DNER: variants seen among roughly 807,000 people sequenced by gnomAD.
DNER encodes the protein delta/notch like EGF repeat containing.
A neutral mutation model predicts 78.2 loss-of-function variants in DNER; 33 were observed. That is an observed-to-expected ratio of 0.42 (90% CI 0.32 to 0.56). The LOEUF (loss-of-function observed/expected upper bound fraction) is 0.56. Ranked by LOEUF, DNER falls within the 20% of genes least tolerant of loss-of-function variation. The probability of loss-of-function intolerance (pLI) is 0.11; values close to 1 mark genes in which losing one functional copy is unlikely to be tolerated. For synonymous variants in DNER, 417 were observed against 384.8 expected, an observed-to-expected ratio of 1.08 and a Z score of -0.98; for missense variants, 918 against 975.3, an observed-to-expected ratio of 0.94 and a Z score of 0.78.
At chr2:229,616,836 A>G (rs1470002642) in intron 1 of DNER, among the ~76,000 whole-genome samples, 1 of 152,202 alleles carries the variant, frequency 6.6e-6, no homozygotes, top group African/African-American at 2.4e-5. Context: ...ATCTTAAATC[A>G]TGGTGTTTAT....
Position 229,409,613 on chromosome 2 carries a change from G to A in DNER, c.1610-2268C>T, listed in dbSNP as rs1323258350. On this transcript the variant is annotated intron_variant, in intron 9 of 12. Coordinates refer to ENST00000341772, the MANE Select transcript of DNER (RefSeq NM_139072.4). ...AGCAATTTCAATCTTTTGGGTGTTT[G>A]GGGTTTTTGTTTGGATAGATGGCTC... Among the ~76,000 whole-genome samples the A allele has an allele frequency of 3.9e-5, 6 of 152,180 alleles. No individual in the cohort carries two copies. In the East Asian group the frequency reaches 9.6e-4, roughly 24 times the overall value.
chr2:229,707,180 ATTTTTT>A (rs397868353), intron 1 of DNER, among the ~76,000 whole-genome samples: 7 of 94,612 alleles, frequency 7.4e-5, no homozygotes, highest in African/African-American at 8.7e-5. Context: ...CGGCTGGCTA[ATTTTTT>A]TTTTTTTTTT....
chr2:229,408,109 A>T (rs6715377), intron 9 of DNER, among the ~76,000 whole-genome samples: 1,652 of 152,204 alleles, frequency 0.011, 29 homozygotes, highest in African/African-American at 0.038. Flanking sequence ...GGCATTTTTT[A>T]AAAAATCTGT....
intron 8 of DNER, among the ~76,000 whole-genome samples, chr2:229,430,958 T>G (rs557249925): frequency 6.6e-6 from 1 of 152,070 alleles, no homozygotes; most frequent in Non-Finnish European, 1.5e-5. Context: ...CTAGACTTAT[T>G]AGAGGAGATT....
At chr2:229,675,087 T>C (rs538699836) in intron 1 of DNER, among the ~76,000 whole-genome samples, 4 of 152,336 alleles carry the variant, frequency 2.6e-5, no homozygotes, top group South Asian at 2.1e-4. Context: ...CACATGTGCA[T>C]GTCTATACTG....
intron 10 of DNER, among the ~76,000 whole-genome samples, chr2:229,388,787 T>G (rs551972090): frequency 5.9e-5 from 9 of 151,674 alleles, no homozygotes; most frequent in South Asian, 4.2e-4. Flanking sequence ...ATCTTGATAT[T>G]ATTAAAGAAG....
intron 6 of DNER, among the ~76,000 whole-genome samples, chr2:229,482,908 T>C (rs1196178226): frequency 2.0e-5 from 3 of 151,990 alleles, no homozygotes; most frequent in South Asian, 2.1e-4. Context: ...TAGGGAGACA[T>C]GAAAATGTCT....
intron 1 of DNER, among the ~76,000 whole-genome samples, chr2:229,696,968 A>G (rs1279904655): frequency 1.3e-5 from 2 of 152,236 alleles, no homozygotes; most frequent in Non-Finnish European, 1.5e-5. Flanking sequence ...TGGAATTACC[A>G]TATAACCCAG....
chr2:229,610,174 G>A (rs1698019342), intron 1 of DNER, among the ~76,000 whole-genome samples: 1 of 152,154 alleles, frequency 6.6e-6, no homozygotes, highest in Non-Finnish European at 1.5e-5. Context: ...ATAAACCTAA[G>A]CACAAGTTCT....
At chr2:229,632,190 C>T (rs144713935) in intron 1 of DNER, among the ~76,000 whole-genome samples, 172 of 152,206 alleles carry the variant, frequency 1.1e-3, no homozygotes, top group Non-Finnish European at 1.7e-3. Flanking sequence ...TCAATACCAG[C>T]CAAAATATTA....
At position 229,366,932 on chromosome 2, in the gene DNER, G is replaced by A. The variant is rs781507293; in HGVS notation, c.2043C>T (p.Tyr681=). 4 of 1,614,090 alleles carry A rather than the reference G, an allele frequency of 2.5e-6. No individual in the cohort carries two copies. The highest frequency in any genetic ancestry group is 3.3e-5 in the Admixed American group (2 of 60,000). Residue 681 remains tyrosine (Y), a synonymous_variant, in exon 12 of 13, where the codon TAC becomes TAT. Transcript: ENST00000341772. ...ACTCGCTGTCGATGCTGCGGCAGTT[G>A]TAGAACTCCTCATAGGCTGGCCTGG... ...GSSRPAYEEF[Y]NCRSIDSEFS... is the part of the protein sequence containing the mutation.
intron 10 of DNER, among the ~76,000 whole-genome samples, chr2:229,399,922 C>T (rs779714017): frequency 6.6e-6 from 1 of 151,848 alleles, no homozygotes; most frequent in Non-Finnish European, 1.5e-5. Context: ...ATGGAACAAC[C>T]TCACAAAGGG....
intron 4 of DNER, among the ~76,000 whole-genome samples, chr2:229,559,890 C>G (rs570365424): frequency 3.9e-5 from 6 of 152,190 alleles, no homozygotes; most frequent in Admixed American, 6.5e-5. Context: ...AACAAATGCA[C>G]TTACTCTGCT....
intron 1 of DNER, among the ~76,000 whole-genome samples, chr2:229,608,079 C>T (rs1697974407): frequency 6.7e-6 from 1 of 148,188 alleles, no homozygotes; most frequent in African/African-American, 2.5e-5. Flanking sequence ...GTAAGTGATA[C>T]TTGAATAATT....
chr2:229,599,444 T>C (rs2052305), intron 1 of DNER, among the ~76,000 whole-genome samples: 55,013 of 151,816 alleles, frequency 0.36, 10,084 homozygotes, highest in East Asian at 0.5. Context: ...ATAATTTTTT[T>C]TATCACTGGG....
chr2:229,530,096 A>G (rs1170796162), intron 5 of DNER, among the ~76,000 whole-genome samples: 1 of 152,214 alleles, frequency 6.6e-6, no homozygotes, highest in Non-Finnish European at 1.5e-5. Context: ...ATGGGGAGAT[A>G]GAATGAAGAG....
intron 7 of DNER, among the ~76,000 whole-genome samples, chr2:229,454,505 A>G (rs944772773): frequency 2.0e-5 from 3 of 152,164 alleles, no homozygotes; most frequent in African/African-American, 4.8e-5. Flanking sequence ...TTTCTTATCA[A>G]TTCAGGAAAA....
chr2:229,654,890 G>T (rs1698887243), intron 1 of DNER, among the ~76,000 whole-genome samples: 1 of 152,064 alleles, frequency 6.6e-6, no homozygotes, highest in African/African-American at 2.4e-5. Context: ...AAAGGTCAAT[G>T]GTGACCCAAC....
chr2:229,391,999 C>T (rs533529889), intron 10 of DNER, among the ~76,000 whole-genome samples: 47 of 152,150 alleles, frequency 3.1e-4, no homozygotes, highest in Admixed American at 1.3e-3. Flanking sequence ...TCCAAAGTCA[C>T]CGCTGTTAGT....
Sources: allele counts gnomAD v4.1 joint callset (sites outside exome capture counted in the v4.1 genomes callset), GRCh38; gene constraint gnomAD v4.1.1; transcripts MANE v1.5; gene names NCBI Gene and HGNC (gene_info 2026-07-23, HGNC 2026-07-21).